The following GRM1 variants were observed in gnomAD, a reference collection of about 807,000 sequenced individuals.
The protein encoded by GRM1 is metabotropic glutamate receptor 1.
In GRM1, 33 loss-of-function variants were observed where a neutral mutation model predicts 90.9. The observed-to-expected ratio is 0.36, with a 90% CI of 0.28 to 0.49. The LOEUF (loss-of-function observed/expected upper bound fraction) is 0.49, where lower values mean the gene tolerates loss of function less well. Ranked by LOEUF, GRM1 falls within the 20% of genes least tolerant of loss-of-function variation. GRM1 has a pLI of 0.99. For synonymous variants in GRM1, 700 were observed against 613.2 expected, an observed-to-expected ratio of 1.14 and a Z score of -2.09; for missense variants, 1,190 against 1,534.3, an observed-to-expected ratio of 0.78 and a Z score of 3.75.
At chr6:146,125,721 C>T (rs1341342428) in intron 1 of GRM1, among the ~76,000 whole-genome samples, 2 of 151,986 alleles carry the variant, frequency 1.3e-5, no homozygotes, top group African/African-American at 2.4e-5. Context: ...TTCTGAGTTG[C>T]TATTTATGTG....
At chr6:146,073,599 A>G (rs1463478837) in intron 1 of GRM1, among the ~76,000 whole-genome samples, 2 of 152,226 alleles carry the variant, frequency 1.3e-5, no homozygotes, top group African/African-American at 4.8e-5. Context: ...ATAAAATTAT[A>G]GATTATAACC....
At chr6:146,120,627 A>G (rs1169031063) in intron 1 of GRM1, among the ~76,000 whole-genome samples, 4 of 152,160 alleles carry the variant, frequency 2.6e-5, no homozygotes, top group African/African-American at 9.7e-5. Context: ...TACCTAATTT[A>G]TTGAGAGTTT....
At chr6:146,160,188 A>G (rs1337851946) in intron 2 of GRM1, among the ~76,000 whole-genome samples, 4 of 152,206 alleles carry the variant, frequency 2.6e-5, no homozygotes, top group African/African-American at 9.6e-5. Flanking sequence ...TGAAATTTAC[A>G]GAGTTGGCTA....
chr6:146,339,430 G>C lies in GRM1; in HGVS notation c.1187-12820G>C, dbSNP rs1041479234. Among the ~76,000 whole-genome samples the C allele has an allele frequency of 8.5e-5, 13 of 152,154 alleles. No homozygotes were observed. In the East Asian group the frequency reaches 1.7e-3, roughly 20 times the overall value. The stretch of plus-strand genomic sequence containing the variant: ...TATACACACTCATTTTATTTCCACA[G>C]ACATTAAGAGCTCTGAATTTGACTA... On this transcript the variant is annotated intron_variant, in intron 3 of 7. Transcript: ENST00000282753.
intron 2 of GRM1, among the ~76,000 whole-genome samples, chr6:146,187,362 A>G (rs763698291): frequency 6.6e-6 from 1 of 152,176 alleles, no homozygotes; most frequent in African/African-American, 2.4e-5. Context: ...TTGCTAATAC[A>G]GACAGAAGGT....
At chr6:146,187,582 A>G (rs1012018575) in intron 2 of GRM1, among the ~76,000 whole-genome samples, 4 of 152,152 alleles carry the variant, frequency 2.6e-5, no homozygotes, top group African/African-American at 9.6e-5. Context: ...GATCTATGGT[A>G]CCCATCAATG....
At chr6:146,409,600 A>C (rs1562678460) in intron 7 of GRM1, among the ~76,000 whole-genome samples, 3 of 152,208 alleles carry the variant, frequency 2.0e-5, no homozygotes, top group African/African-American at 7.2e-5. Flanking sequence ...CTTATAAAGA[A>C]AATAGATCAT....
In GRM1 at chr6:146,294,463, T is replaced by C. The variant is rs74836490; in HGVS notation, c.951-10148T>C. Among the ~76,000 whole-genome samples, 1,299 of 152,222 alleles carry C rather than the reference T, an allele frequency of 8.5e-3. 19 individuals carry two copies. Among genetic ancestry groups the C allele is most frequent in the African/African-American group, 0.03 (1,233 of 41,558 alleles). On this transcript the variant is annotated intron_variant, in intron 2 of 7. Coordinates refer to ENST00000282753, the MANE Select transcript of GRM1 (RefSeq NM_001278064.2). ...GTGGGCTATATATTAATTTTTAAAATATGTTGAGACTTACATTATTAACTA... is the reference window on the plus strand; with the variant it reads ...GTGGGCTATATATTAATTTTTAAAACATGTTGAGACTTACATTATTAACTA...
At chr6:146,427,849 A>G (rs896879528) in intron 7 of GRM1, among the ~76,000 whole-genome samples, 12 of 152,206 alleles carry the variant, frequency 7.9e-5, no homozygotes, top group African/African-American at 2.9e-4. Flanking sequence ...CTAACCAAGG[A>G]CACAGCAAGG....
rs1251493247 is a variant in GRM1, at chr6:146,299,636, T to C, written c.951-4975T>C. Among the ~76,000 whole-genome samples the C allele has an allele frequency of 2.6e-5, 4 of 152,342 alleles. No individual in the cohort carries two copies. The East Asian group carries it at 7.7e-4, about 29-fold the overall frequency. ...GGCCTCCAGGTGCTACTCCTTCAAA[T>C]CATATTGGTTGATTATTCCTCAGCC... On this transcript the variant is annotated intron_variant, in intron 2 of 7. Coordinates refer to ENST00000282753, the MANE Select transcript of GRM1 (RefSeq NM_001278064.2).
At chr6:146,267,374 A>G (rs141393240) in intron 2 of GRM1, among the ~76,000 whole-genome samples, 1 of 152,194 alleles carries the variant, frequency 6.6e-6, no homozygotes, top group Non-Finnish European at 1.5e-5. Flanking sequence ...TTATAATAGA[A>G]AGAGTTATAT....
At chr6:146,402,967 A>G (rs942793359) in intron 7 of GRM1, among the ~76,000 whole-genome samples, 5 of 152,144 alleles carry the variant, frequency 3.3e-5, no homozygotes, top group African/African-American at 1.2e-4. Context: ...GCATACTTGT[A>G]TCCTGGGAGA....
intron 1 of GRM1, among the ~76,000 whole-genome samples, chr6:146,131,396 C>T (rs1776392694): frequency 6.6e-6 from 1 of 151,826 alleles, no homozygotes; most frequent in Non-Finnish European, 1.5e-5. Context: ...TCAATGTGAT[C>T]TTGGGCAGAT....
chr6:146,276,443 T>C (rs1017711637), intron 2 of GRM1, among the ~76,000 whole-genome samples: 1 of 152,220 alleles, frequency 6.6e-6, no homozygotes, highest in African/African-American at 2.4e-5. Flanking sequence ...TTGCAAATAA[T>C]TTATATTAGG....
At chr6:146,302,940 C>G (rs879467221) in intron 2 of GRM1, among the ~76,000 whole-genome samples, 11 of 151,050 alleles carry the variant, frequency 7.3e-5, no homozygotes, top group Non-Finnish European at 1.5e-4. Context: ...AAGGAAGGAT[C>G]TATACAAAAA....
At chr6:146,181,892 A>G (rs1397989245) in intron 2 of GRM1, among the ~76,000 whole-genome samples, 1 of 152,150 alleles carries the variant, frequency 6.6e-6, no homozygotes, top group Non-Finnish European at 1.5e-5. Flanking sequence ...TGAAAGCAAT[A>G]TAGTTAATAA....
intron 3 of GRM1, among the ~76,000 whole-genome samples, chr6:146,313,204 A>C (rs1046900120): frequency 6.6e-6 from 1 of 152,206 alleles, no homozygotes; most frequent in Admixed American, 6.5e-5. Context: ...TATTTTTACT[A>C]TGCCTGCAAA....
At chr6:146,065,653 C>A (rs1380481163) in intron 1 of GRM1, among the ~76,000 whole-genome samples, 1 of 152,072 alleles carries the variant, frequency 6.6e-6, no homozygotes, top group Non-Finnish European at 1.5e-5. Flanking sequence ...GCCCCGTAAA[C>A]AAGGATAGAA....
At chr6:146,320,225 G>A (rs1784125221) in intron 3 of GRM1, among the ~76,000 whole-genome samples, 1 of 152,128 alleles carries the variant, frequency 6.6e-6, no homozygotes. Context: ...AGATAATCAT[G>A]TGGTTTTTGC....
Sources: gnomAD v4.1 joint callset for allele counts (sites outside exome capture counted in the v4.1 genomes callset) on GRCh38, gnomAD v4.1.1 for gene constraint, MANE v1.5 for transcripts, NCBI Gene and HGNC (gene_info 2026-07-23, HGNC 2026-07-21) for gene names.